Variants in FBXL17 observed in about 807,000 individuals in gnomAD.
FBXL17 encodes F-box and leucine rich repeat protein 17, also known as F-box/LRR-repeat protein 17.
Under a neutral mutation model 66.2 loss-of-function variants are expected in FBXL17, and 22 were observed. The observed-to-expected ratio is 0.33, with a 90% CI of 0.24 to 0.47. The LOEUF (loss-of-function observed/expected upper bound fraction) is 0.47, where lower values mean the gene tolerates loss of function less well. Ranked by LOEUF, FBXL17 falls within the 20% of genes least tolerant of loss-of-function variation. The pLI, the probability that FBXL17 is intolerant of heterozygous loss-of-function variation, is 1.00. For missense variants in FBXL17, 878 were observed against 948.2 expected (o/e 0.93, Z 0.97); for synonymous variants, 474 against 400.5 (o/e 1.18, Z -2.19).
At chr5:107,970,416 C>T (rs1463057415) in intron 7 of FBXL17, among the ~76,000 whole-genome samples, 4 of 152,178 alleles carry the variant, frequency 2.6e-5, no homozygotes, top group East Asian at 3.8e-4. Context: ...AGAAAAAGGA[C>T]AGGTGCCCAC....
chr5:108,207,844 G>A, intron 5 of FBXL17, among the ~76,000 whole-genome samples: 1 of 152,164 alleles, frequency 6.6e-6, no homozygotes, highest in African/African-American at 2.4e-5. Flanking sequence ...ACCCAGTAAT[G>A]GGATTGCTGG....
rs138582242 is a variant in FBXL17 at position 108,049,769 on chromosome 5, T to C, written c.1746-28768A>G. Among the ~76,000 whole-genome samples, 893 of 152,080 alleles carry C rather than the reference T, an allele frequency of 5.9e-3. 5 individuals are homozygous for C. Among genetic ancestry groups the C allele is most frequent in the African/African-American group, 0.018 (739 of 41,476 alleles). On this transcript the variant is annotated intron_variant, in intron 6 of 8. Coordinates refer to ENST00000542267, the MANE Select transcript of FBXL17 (RefSeq NM_001163315.3). ...ACTTAAATGTAAATGGGCTAAATGC[T>C]CCAATTAAAAGACACAGACTGGCAA... is the stretch of plus-strand genomic sequence containing the variant.
chr5:108,135,670 G>A (rs1321109126), intron 6 of FBXL17, among the ~76,000 whole-genome samples: 4 of 152,122 alleles, frequency 2.6e-5, no homozygotes, highest in African/African-American at 4.8e-5. Flanking sequence ...GGGAAAAAAG[G>A]TCTTTGTTCT....
chr5:108,254,727 C>T (rs1279558246), intron 4 of FBXL17, among the ~76,000 whole-genome samples: 1 of 151,866 alleles, frequency 6.6e-6, no homozygotes, highest in East Asian at 1.9e-4. Context: ...ATATATTTTC[C>T]CCCACAAAGG....
At chr5:107,916,449 C>T (rs1245781059) in intron 7 of FBXL17, among the ~76,000 whole-genome samples, 2 of 152,168 alleles carry the variant, frequency 1.3e-5, no homozygotes, top group South Asian at 2.1e-4. Flanking sequence ...CTGAAAGCTG[C>T]ATCACCTCCT....
At chr5:108,063,917 T>C (rs1748018944) in intron 6 of FBXL17, among the ~76,000 whole-genome samples, 1 of 152,190 alleles carries the variant, frequency 6.6e-6, no homozygotes, top group Non-Finnish European at 1.5e-5. Context: ...CAATTTCTTT[T>C]TCATATTATC....
At chr5:108,146,715 C>T (rs567855420) in intron 6 of FBXL17, among the ~76,000 whole-genome samples, 1 of 152,244 alleles carries the variant, frequency 6.6e-6, no homozygotes, top group South Asian at 2.1e-4. Flanking sequence ...ACTATCTCCA[C>T]ACAGAGGAGG....
At chr5:108,044,494 T>C (rs942035675) in intron 6 of FBXL17, among the ~76,000 whole-genome samples, 6 of 152,184 alleles carry the variant, frequency 3.9e-5, no homozygotes, top group Admixed American at 3.9e-4. Flanking sequence ...CGGGAATAAA[T>C]TCCAGTTGGC....
Position 108,200,748 on chromosome 5 carries a change from A to G in FBXL17, c.1615-14501T>C, listed in dbSNP as rs192649544. On this transcript the variant is annotated intron_variant, in intron 5 of 8. Coordinates refer to ENST00000542267, the MANE Select transcript of FBXL17 (RefSeq NM_001163315.3). ...CCCACTGGGATACAATCAATTGAAC[A>G]GAAGTCTACAGTGGGGGAAGCAGCT... 3.9e-5 allele frequency among the ~76,000 whole-genome samples: 6 copies of G among 152,196 alleles called. No individual in the cohort carries two copies. The East Asian group carries it at 5.8e-4, about 15-fold the overall frequency.
intron 4 of FBXL17, among the ~76,000 whole-genome samples, chr5:108,244,816 A>G (rs1474748448): frequency 6.6e-6 from 1 of 152,200 alleles, no homozygotes; most frequent in African/African-American, 2.4e-5. Flanking sequence ...TTAGTAAAAT[A>G]TCAGTAACAA....
At chr5:107,948,507 A>G (rs149138770) in intron 7 of FBXL17, among the ~76,000 whole-genome samples, 1 of 152,230 alleles carries the variant, frequency 6.6e-6, no homozygotes, top group African/African-American at 2.4e-5. Flanking sequence ...TCTTGCTTAT[A>G]CTTTTTAATA....
chr5:108,293,947 A>T (rs1231838638), intron 4 of FBXL17, among the ~76,000 whole-genome samples: 3 of 150,546 alleles, frequency 2.0e-5, no homozygotes, highest in East Asian at 2.0e-4. Flanking sequence ...AGGCTGAAGC[A>T]CAAGAATCCA....
chr5:108,068,841 T>C (rs1406625054), intron 6 of FBXL17, among the ~76,000 whole-genome samples: 1 of 152,188 alleles, frequency 6.6e-6, no homozygotes, highest in Non-Finnish European at 1.5e-5. Flanking sequence ...AATGGATGCC[T>C]GTAAAATAGC....
intron 4 of FBXL17, among the ~76,000 whole-genome samples, chr5:108,228,879 G>C (rs1755207559): frequency 6.6e-6 from 1 of 152,086 alleles, no homozygotes; most frequent in African/African-American, 2.4e-5. Context: ...ATTTTGTTAA[G>C]GCTCTTAACC....
chr5:108,224,116 C>T lies in FBXL17; in HGVS notation c.1614+5G>A, dbSNP rs1471888669. The stretch of plus-strand genomic sequence containing the variant: ...ATACCAAGGAAAAGCAGCCATAGTA[C>T]CTACCTTGGTTAGGTGAATGACTCC... On this transcript the variant is annotated splice_donor_5th_base_variant and intron_variant, in intron 5 of 8. Transcript: ENST00000542267. 6.6e-7 allele frequency: 1 copy of T among 1,523,104 alleles called. No individual in the cohort carries two copies. The highest frequency in any genetic ancestry group is 1.2e-5 in the South Asian group (1 of 86,896). The allele number at this position is 1,523,104 out of a possible 1,614,324, so 94.3% of individuals were successfully genotyped here.
intron 4 of FBXL17, among the ~76,000 whole-genome samples, chr5:108,232,892 T>C (rs1215042208): frequency 6.7e-6 from 1 of 149,570 alleles, no homozygotes; most frequent in African/African-American, 2.5e-5. Flanking sequence ...TTCCACTGTA[T>C]GGATATACTA....
rs552199398 is a variant in FBXL17 at position 108,307,794 on chromosome 5, G to C, written c.1506+40605C>G. Reference sequence around the variant, plus strand: ...ACCCATTAACATAGCTTTAAAATAAGACAGCTAAAGAAAAAATTGCTTTTT... The same window carrying C: ...ACCCATTAACATAGCTTTAAAATAACACAGCTAAAGAAAAAATTGCTTTTT... On this transcript the variant is annotated intron_variant, in intron 4 of 8. Coordinates refer to ENST00000542267, the MANE Select transcript of FBXL17 (RefSeq NM_001163315.3). 2.1e-3 allele frequency among the ~76,000 whole-genome samples: 320 copies of C among 151,200 alleles called. 2 individuals are homozygous for C. The highest frequency in any genetic ancestry group is 6.8e-3 in the Middle Eastern group (2 of 294).
chr5:108,247,262 G>T (rs1756144559), intron 4 of FBXL17, among the ~76,000 whole-genome samples: 1 of 151,970 alleles, frequency 6.6e-6, no homozygotes, highest in African/African-American at 2.4e-5. Context: ...GAAGATAGAG[G>T]ATACAAAAGG....
chr5:107,972,187 G>GAAAGA (rs549608400), intron 7 of FBXL17, among the ~76,000 whole-genome samples: 14 of 152,174 alleles, frequency 9.2e-5, no homozygotes, highest in Admixed American at 2.0e-4. Flanking sequence ...CTGAATAAAT[G>GAAAGA]AAAGAAAAGA....
Sources: allele counts gnomAD v4.1 joint callset (sites outside exome capture counted in the v4.1 genomes callset), GRCh38; gene constraint gnomAD v4.1.1; transcripts MANE v1.5; gene names NCBI Gene and HGNC (gene_info 2026-07-23, HGNC 2026-07-21).